TACR3: variants seen among roughly 807,000 people sequenced by gnomAD.
TACR3 encodes the protein tachykinin receptor 3, also known as neuromedin-K receptor.
Under a neutral mutation model 35.0 loss-of-function variants are expected in TACR3, and 34 were observed. That is an observed-to-expected ratio of 0.97 (90% CI 0.74 to 1.30). The LOEUF is 1.30. TACR3 is among the 50% of genes most tolerant of loss of function. The probability of loss-of-function intolerance (pLI) is 0.00; values close to 1 mark genes in which losing one functional copy is unlikely to be tolerated. For synonymous variants in TACR3, 233 were observed against 221.1 expected (o/e 1.05, Z -0.48); for missense variants, 558 against 591.7 (o/e 0.94, Z 0.59).
intron 3 of TACR3, among the ~76,000 whole-genome samples, chr4:103,639,661 T>G (rs1428174657): frequency 6.6e-6 from 1 of 152,050 alleles, no homozygotes; most frequent in Non-Finnish European, 1.5e-5. Flanking sequence ...TTTTATTTAT[T>G]GTTTCCTTCT....
intron 1 of TACR3, among the ~76,000 whole-genome samples, chr4:103,704,652 A>G (rs1214309143): frequency 2.0e-5 from 3 of 152,154 alleles, no homozygotes; most frequent in South Asian, 2.1e-4. Context: ...CCATAATCCA[A>G]TCACCTCATA....
intron 3 of TACR3, among the ~76,000 whole-genome samples, chr4:103,641,605 A>G (rs1725357816): frequency 6.6e-6 from 1 of 151,962 alleles, no homozygotes; most frequent in Non-Finnish European, 1.5e-5. Flanking sequence ...GTATTATCTG[A>G]TTCAGCAATC....
intron 3 of TACR3, among the ~76,000 whole-genome samples, chr4:103,617,013 G>A (rs1724674717): frequency 1.3e-5 from 2 of 152,264 alleles, no homozygotes; most frequent in Admixed American, 1.3e-4. Flanking sequence ...TGACCCACCA[G>A]TAATTTTAAC....
chr4:103,712,105 A>G (rs1234562412), intron 1 of TACR3, among the ~76,000 whole-genome samples: 2 of 152,196 alleles, frequency 1.3e-5, no homozygotes, highest in Non-Finnish European at 2.9e-5. Context: ...ATCCCCATCA[A>G]GCTACCAATG....
chr4:103,633,822 A>G (rs1261432415), intron 3 of TACR3, among the ~76,000 whole-genome samples: 2 of 152,106 alleles, frequency 1.3e-5, no homozygotes, highest in Admixed American at 1.3e-4. Context: ...ATTCCTCCAT[A>G]GGTTTGTTGC....
At chr4:103,682,000 A>G (rs1722101618) in intron 1 of TACR3, among the ~76,000 whole-genome samples, 1 of 152,304 alleles carries the variant, frequency 6.6e-6, no homozygotes, top group Non-Finnish European at 1.5e-5. Flanking sequence ...TAAATAATTC[A>G]TGTATTCATG....
intron 4 of TACR3, 189 bp downstream of exon 4, chr4:103,591,298 T>G: frequency 3.1e-6 from 2 of 642,550 alleles, no homozygotes; most frequent in South Asian, 3.8e-5. Context: ...ATCTAATTAT[T>G]AATGTGGGAT....
At chr4:103,677,033 T>G (rs1278225622) in intron 1 of TACR3, among the ~76,000 whole-genome samples, 1 of 152,006 alleles carries the variant, frequency 6.6e-6, no homozygotes, top group African/African-American at 2.4e-5. Context: ...AGCAACCCCA[T>G]TAAAAAGTGG....
intron 1 of TACR3, among the ~76,000 whole-genome samples, chr4:103,683,389 C>A (rs1419704528): frequency 9.1e-6 from 1 of 109,512 alleles, no homozygotes; most frequent in Non-Finnish European, 1.8e-5. Flanking sequence ...AGTGAAGTGA[C>A]AATAGAAAGA....
At chr4:103,678,793 CT>C (rs199845821) in intron 1 of TACR3, among the ~76,000 whole-genome samples, 29,255 of 142,360 alleles carry the variant, frequency 0.21, 6,462 homozygotes, top group African/African-American at 0.56. Context: ...AAGGTAGTTG[CT>C]TTTTTTTTTT....
At chr4:103,598,134 T>A (rs1450626095) in intron 3 of TACR3, among the ~76,000 whole-genome samples, 1 of 152,178 alleles carries the variant, frequency 6.6e-6, no homozygotes. Flanking sequence ...GACTTTTTAA[T>A]GATCACCATT....
chr4:103,693,651 A>G (rs1405805266), intron 1 of TACR3, among the ~76,000 whole-genome samples: 1 of 152,128 alleles, frequency 6.6e-6, no homozygotes, highest in Non-Finnish European at 1.5e-5. Context: ...AACTAATTTT[A>G]AGGTAAAATA....
At chr4:103,676,228 A>C (rs1161106053) in intron 1 of TACR3, among the ~76,000 whole-genome samples, 1 of 152,222 alleles carries the variant, frequency 6.6e-6, no homozygotes, top group Non-Finnish European at 1.5e-5. Context: ...ATTGTTTAAC[A>C]TTTGTACAGA....
intron 3 of TACR3, among the ~76,000 whole-genome samples, chr4:103,595,830 A>AT (rs1185320872): frequency 6.6e-6 from 1 of 151,010 alleles, no homozygotes; most frequent in African/African-American, 2.4e-5. Flanking sequence ...TACATGTGCC[A>AT]TGCTGGTGTG....
intron 3 of TACR3, among the ~76,000 whole-genome samples, chr4:103,614,882 G>GTGTT (rs1471209818): frequency 1.5e-4 from 14 of 90,874 alleles, no homozygotes; most frequent in African/African-American, 6.1e-4. Flanking sequence ...GATTATGAAT[G>GTGTT]TGTTTTTTTT....
intron 3 of TACR3, among the ~76,000 whole-genome samples, chr4:103,609,354 C>G (rs78220056): frequency 0.017 from 2,533 of 152,142 alleles, 71 homozygotes; most frequent in African/African-American, 0.059. Flanking sequence ...GTTATAGAAG[C>G]TCTTGCTGTC....
At chr4:103,712,177 C>T (rs1392274927) in intron 1 of TACR3, among the ~76,000 whole-genome samples, 12 of 152,106 alleles carry the variant, frequency 7.9e-5, no homozygotes, top group Non-Finnish European at 4.4e-5. Context: ...AAAAAGAGCC[C>T]GCGTTGCCAA....
chr4:103,687,687 T>C (rs1210995037), intron 1 of TACR3, among the ~76,000 whole-genome samples: 4 of 152,194 alleles, frequency 2.6e-5, no homozygotes, highest in South Asian at 2.1e-4. Context: ...ATCCACCTTA[T>C]AAGGGACGTG....
At chr4:103,639,188 C>T (rs1214443467) in intron 3 of TACR3, among the ~76,000 whole-genome samples, 4 of 152,082 alleles carry the variant, frequency 2.6e-5, no homozygotes, top group Non-Finnish European at 5.9e-5. Context: ...TTGGAACTAA[C>T]CCAAATGTCC....
Sources: gnomAD v4.1 joint callset for allele counts (sites outside exome capture counted in the v4.1 genomes callset) on GRCh38, gnomAD v4.1.1 for gene constraint, MANE v1.5 for transcripts, NCBI Gene and HGNC (gene_info 2026-07-23, HGNC 2026-07-21) for gene names.